The following WNT9A variants were observed in gnomAD, a reference collection of about 807,000 sequenced individuals.
WNT9A encodes the protein protein Wnt-9a.
A neutral mutation model predicts 31.4 loss-of-function variants in WNT9A; 8 were observed. The ratio of observed to expected loss-of-function variants is 0.26; its 90% CI spans 0.15 to 0.46. WNT9A has a LOEUF of 0.46. Ranked by LOEUF, WNT9A falls within the 20% of genes least tolerant of loss-of-function variation. The probability of loss-of-function intolerance (pLI) is 0.99; values close to 1 mark genes in which losing one functional copy is unlikely to be tolerated. For synonymous variants in WNT9A, 236 were observed against 220.1 expected, an observed-to-expected ratio of 1.07 and a Z score of -0.64; for missense variants, 457 against 522.9, an observed-to-expected ratio of 0.87 and a Z score of 1.23.
At chr1:227,943,714 G>A (rs1666750596) in intron 1 of WNT9A, among the ~76,000 whole-genome samples, 1 of 152,204 alleles carries the variant, frequency 6.6e-6, no homozygotes, top group African/African-American at 2.4e-5. Flanking sequence ...AAGGGCTCAC[G>A]CCTGTAACCC....
intron 3 of WNT9A, among the ~76,000 whole-genome samples, chr1:227,922,844 C>A (rs1362046437): frequency 6.6e-6 from 1 of 152,216 alleles, no homozygotes; most frequent in African/African-American, 2.4e-5. Context: ...ACGCCAGCAG[C>A]CCCCAGGAGG....
rs1462547433 is a variant in WNT9A at position 227,921,746 on chromosome 1, C to T, written c.870G>A (p.Val290=). Reference sequence around the variant, plus strand: ...AGAAGCTAGGCGAGTCATCCAGGTGCACCAGCTCTGGAGTGCGGGGCAGCG... The same window carrying T: ...AGAAGCTAGGCGAGTCATCCAGGTGTACCAGCTCTGGAGTGCGGGGCAGCG... ...SDPLPRTPEL[V]HLDDSPSFCL... is the part of the protein sequence containing the mutation. Residue 290 remains valine, a synonymous_variant, in exon 4 of 4, where the codon GTG becomes GTA. Transcript: ENST00000272164. 5.6e-6 allele frequency: 9 copies of T among 1,612,472 alleles called. No homozygotes were observed. The highest frequency in any genetic ancestry group is 1.3e-5 in the African/African-American group (1 of 74,930).
In WNT9A at chr1:227,926,279, C is replaced by T. The variant is rs1411823969; in HGVS notation, c.96-760G>A. On this transcript the variant is annotated intron_variant, in intron 1 of 3. Coordinates refer to ENST00000272164, the MANE Select transcript of WNT9A (RefSeq NM_003395.4). The surrounding 1 kb of genome is among the most constrained non-coding windows in gnomAD (Gnocchi z 5.0). Reference sequence around the variant, plus strand: ...CCCTCCATCTTTACACGAGGCCTTGCACCAGTACCCAGCACTGAGGACGCA... The same window carrying T: ...CCCTCCATCTTTACACGAGGCCTTGTACCAGTACCCAGCACTGAGGACGCA... Among the ~76,000 whole-genome samples the T allele has an allele frequency of 6.6e-6, 1 of 152,112 alleles. No individual in the cohort carries two copies. The highest frequency in any genetic ancestry group is 1.5e-5 in the Non-Finnish European group (1 of 68,008).
chr1:227,920,075 C>T lies in WNT9A; in HGVS notation c.*1443G>A, dbSNP rs1172600101. On this transcript the variant is annotated 3_prime_UTR_variant, in exon 4 of 4. Transcript: ENST00000272164. ...CAATCAAAGGGCTGCCCTGCCCCCTCACCATGCCCGCCCCTCTCCACCACC... is the reference window on the plus strand; with the variant it reads ...CAATCAAAGGGCTGCCCTGCCCCCTTACCATGCCCGCCCCTCTCCACCACC... 1 of 152,434 alleles carries T rather than the reference C, an allele frequency of 6.6e-6. No individual in the cohort carries two copies. 9.4% of individuals were successfully genotyped at this position (152,434 alleles called of 1,614,324 possible).
At chr1:227,930,450 G>A (rs1474277804) in intron 1 of WNT9A, among the ~76,000 whole-genome samples, 1 of 152,186 alleles carries the variant, frequency 6.6e-6, no homozygotes, top group East Asian at 1.9e-4. Flanking sequence ...TCCACACTCA[G>A]CAAATGGCAC....
chr1:227,924,017 C>T, intron 3 of WNT9A, 121 bp downstream of exon 3: 1 of 1,373,364 alleles, frequency 7.3e-7, no homozygotes, highest in South Asian at 1.4e-5. Context: ...TACAGGAGGC[C>T]ACTCCACTGT....
intron 1 of WNT9A, among the ~76,000 whole-genome samples, chr1:227,934,460 T>C (rs1243587598): frequency 6.6e-6 from 1 of 152,248 alleles, no homozygotes; most frequent in East Asian, 1.9e-4. Flanking sequence ...GAAGAATCTG[T>C]AGGGATTCCC....
chr1:227,946,834 G>A (rs1400438161), intron 1 of WNT9A, among the ~76,000 whole-genome samples: 1 of 152,138 alleles, frequency 6.6e-6, no homozygotes, highest in Non-Finnish European at 1.5e-5. Flanking sequence ...CCGGGAACAG[G>A]TGACCGGCGG....
At chr1:227,939,526 T>C (rs680997) in intron 1 of WNT9A, among the ~76,000 whole-genome samples, 140,952 of 152,170 alleles carry the variant, frequency 0.93, 65,329 homozygotes, top group East Asian at 0.97. Flanking sequence ...AGAGAGAACC[T>C]GAAACACACA....
In WNT9A at chr1:227,925,197, A is replaced by G; in HGVS notation, c.352+66T>C. 6.9e-7 allele frequency: 1 copy of G among 1,445,230 alleles called. No homozygotes were observed. Among genetic ancestry groups the G allele is most frequent in the Non-Finnish European group, 9.1e-7 (1 of 1,099,104 alleles). 89.5% of individuals were successfully genotyped at this position (1,445,230 alleles called of 1,614,324 possible). A position where few individuals can be genotyped will look rare whatever the true frequency, so the allele number is the denominator to read the frequency against. On this transcript the variant is annotated intron_variant, in intron 2 of 3. Coordinates refer to ENST00000272164, the MANE Select transcript of WNT9A (RefSeq NM_003395.4). This position sits in a 1 kb window ranked among gnomAD's most constrained non-coding sequence, Gnocchi z 6.0. ...CGCAGCCTAAGAGGGGCCTCTTGGG[A>G]TATGGACAAGGCCTGGGCTGCCACC...
At chr1:227,935,188 C>A (rs533799268) in intron 1 of WNT9A, among the ~76,000 whole-genome samples, 1 of 151,548 alleles carries the variant, frequency 6.6e-6, no homozygotes, top group East Asian at 1.9e-4. Context: ...ACCCCAGCCA[C>A]AGCCTCAGGT....
chr1:227,924,062 T>TGCCCCCCCCCC, intron 3 of WNT9A, 76 bp downstream of exon 3: 2 of 234,960 alleles, frequency 8.5e-6, no homozygotes, highest in Non-Finnish European at 1.3e-5. Context: ...CCGCCCCCAG[T>TGCCCCCCCCCC]CCCACGCCCC....
At chr1:227,947,676 G>T in intron 1 of WNT9A, 117 bp downstream of exon 1, 1 of 482,592 alleles carries the variant, frequency 2.1e-6, no homozygotes, top group Non-Finnish European at 2.8e-6. Flanking sequence ...AGGCAACCCG[G>T]CGGCCCCGCC....
intron 1 of WNT9A, among the ~76,000 whole-genome samples, chr1:227,931,741 G>A (rs1366634069): frequency 6.6e-6 from 1 of 152,146 alleles, no homozygotes; most frequent in Non-Finnish European, 1.5e-5. Context: ...AAAAACACTG[G>A]ACTGCTAAAA....
rs762427247 is a variant in WNT9A at position 227,925,251 on chromosome 1, G to A, written c.352+12C>T. The A allele has an allele frequency of 1.4e-5, 21 of 1,534,230 alleles. No homozygotes were observed. In the Middle Eastern group the frequency reaches 6.2e-4, roughly 45 times the overall value. On this transcript the variant is annotated intron_variant, in intron 2 of 3. Transcript: ENST00000272164. The surrounding 1 kb of genome is among the most constrained non-coding windows in gnomAD (Gnocchi z 6.0). ...CTGGGGCCTTCCTGAGGGCCAGGCC[G>A]GCCACACTCACCTCGCTTGAGCAGG...
intron 1 of WNT9A, among the ~76,000 whole-genome samples, chr1:227,945,762 A>G (rs1248404420): frequency 6.6e-6 from 1 of 151,862 alleles, no homozygotes; most frequent in Non-Finnish European, 1.5e-5. Context: ...GAGCCACAGC[A>G]GGAGAGGCCT....
In WNT9A at chr1:227,921,566, C is replaced by T. The variant is rs1251194579; in HGVS notation, c.1050G>A (p.Glu350=). The T allele has an allele frequency of 1.9e-6, 3 of 1,613,214 alleles. No homozygotes were observed. Among genetic ancestry groups the T allele is most frequent in the Non-Finnish European group, 2.5e-6 (3 of 1,179,862 alleles). The change falls in exon 4 of 4, where the codon GAG becomes GAA. Residue 350 remains glutamate (E), a synonymous_variant. Transcript: ENST00000272164. ...QCQVRWCCYV[E]CRQCTQREEV... ...CCTCACGCTGCGTGCACTGCCTGCA[C>T]TCCACATAGCAGCACCAACGCACCT...
chr1:227,931,722 A>T (rs536766760), intron 1 of WNT9A, among the ~76,000 whole-genome samples: 1 of 152,352 alleles, frequency 6.6e-6, no homozygotes, highest in Non-Finnish European at 1.5e-5. Context: ...TAATACATAT[A>T]CTTTAGTTAA....
At chr1:227,947,714 C>T (rs1666818202) in intron 1 of WNT9A, 79 bp downstream of exon 1, 6 of 871,578 alleles carry the variant, frequency 6.9e-6, no homozygotes, top group Middle Eastern at 5.4e-4. Flanking sequence ...ACCCCGGGTG[C>T]CTCGGGGACT....
Sources: gnomAD v4.1 joint callset for allele counts (sites outside exome capture counted in the v4.1 genomes callset) on GRCh38, gnomAD v4.1.1 for gene constraint, Gnocchi (gnomAD v3.1) non-coding constraint, MANE v1.5 for transcripts, NCBI Gene and HGNC (gene_info 2026-07-23, HGNC 2026-07-21) for gene names.